The following ZRANB3 variants were observed in gnomAD, a reference collection of about 807,000 sequenced individuals.
The protein encoded by ZRANB3 is DNA annealing helicase and endonuclease ZRANB3.
A neutral mutation model predicts 133.8 loss-of-function variants in ZRANB3; 125 were observed. The observed-to-expected ratio is 0.93, with a 90% CI of 0.81 to 1.08. The LOEUF (loss-of-function observed/expected upper bound fraction) is 1.08, where lower values mean the gene tolerates loss of function less well. Among genes scored for constraint, ZRANB3 ranks in the 50% least tolerant of loss-of-function variants. The probability of loss-of-function intolerance (pLI) is 0.00; values close to 1 mark genes in which losing one functional copy is unlikely to be tolerated. For missense variants in ZRANB3, 1,229 were observed against 1,275.5 expected, an observed-to-expected ratio of 0.96 and a Z score of 0.56; for synonymous variants, 387 against 432.7, an observed-to-expected ratio of 0.89 and a Z score of 1.31.
At chr2:135,289,558 A>T (rs1681578058) in intron 8 of ZRANB3, among the ~76,000 whole-genome samples, 1 of 152,050 alleles carries the variant, frequency 6.6e-6, no homozygotes. Context: ...CCGGCCATGG[A>T]GTTGATTTAT....
chr2:135,405,911 G>A (rs370105228), intron 2 of ZRANB3, among the ~76,000 whole-genome samples: 1 of 152,104 alleles, frequency 6.6e-6, no homozygotes, highest in South Asian at 2.1e-4. Context: ...ATTAAAAGAA[G>A]TAGAGAAGCA....
chr2:135,458,295 A>G (rs1484508508), intron 2 of ZRANB3, among the ~76,000 whole-genome samples: 1 of 152,084 alleles, frequency 6.6e-6, no homozygotes, highest in African/African-American at 2.4e-5. Flanking sequence ...ATAGCTATGT[A>G]GTAGTTTCAA....
intron 4 of ZRANB3, among the ~76,000 whole-genome samples, chr2:135,350,759 A>C (rs1685169261): frequency 6.6e-6 from 1 of 152,180 alleles, no homozygotes; most frequent in Non-Finnish European, 1.5e-5. Context: ...GTGGAGTCCG[A>C]AGCTTTTGTG....
intron 2 of ZRANB3, among the ~76,000 whole-genome samples, chr2:135,473,886 T>C (rs1298355773): frequency 6.6e-6 from 1 of 152,082 alleles, no homozygotes; most frequent in Non-Finnish European, 1.5e-5. Flanking sequence ...ATAGACACAC[T>C]TATAAAAACT....
chr2:135,291,938 G>C (rs912153979), intron 8 of ZRANB3, among the ~76,000 whole-genome samples: 1 of 151,888 alleles, frequency 6.6e-6, no homozygotes. Context: ...TCATTTTTTA[G>C]GGCTGCATAG....
At chr2:135,392,818 C>T (rs989108843) in intron 2 of ZRANB3, among the ~76,000 whole-genome samples, 5 of 151,874 alleles carry the variant, frequency 3.3e-5, no homozygotes, top group African/African-American at 1.2e-4. Context: ...GAATGCATTA[C>T]AGTTAAATGA....
intron 3 of ZRANB3, 68 bp downstream of exon 3, chr2:135,390,733 GA>G: frequency 6.6e-7 from 1 of 1,504,854 alleles, no homozygotes; most frequent in Admixed American, 2.1e-5. Context: ...AGAGTACATG[GA>G]AAATAGCAGA....
chr2:135,361,665 T>A (rs1251996267), intron 3 of ZRANB3, among the ~76,000 whole-genome samples: 1 of 152,186 alleles, frequency 6.6e-6, no homozygotes, highest in African/African-American at 2.4e-5. Context: ...AGGTGGCCTG[T>A]TTGTTATAAA....
chr2:135,370,354 A>C (rs952022395), intron 3 of ZRANB3, among the ~76,000 whole-genome samples: 5 of 151,852 alleles, frequency 3.3e-5, no homozygotes, highest in Admixed American at 3.3e-4. Flanking sequence ...CGAGTCCCCA[A>C]AGTCCATTGT....
At chr2:135,247,718 T>C (rs1695863436) in intron 12 of ZRANB3, among the ~76,000 whole-genome samples, 1 of 152,060 alleles carries the variant, frequency 6.6e-6, no homozygotes, top group Admixed American at 6.6e-5. Context: ...ACCTCTAAAA[T>C]TCCAATCAGC....
chr2:135,417,050 G>A (rs1448683235), intron 2 of ZRANB3, among the ~76,000 whole-genome samples: 1 of 152,150 alleles, frequency 6.6e-6, no homozygotes, highest in Non-Finnish European at 1.5e-5. Flanking sequence ...ACAGGCATGG[G>A]CAAGGACTTC....
chr2:135,442,895 T>A (rs879887092), intron 2 of ZRANB3, among the ~76,000 whole-genome samples: 1 of 151,958 alleles, frequency 6.6e-6, no homozygotes, highest in Non-Finnish European at 1.5e-5. Context: ...GGTGGGTGGA[T>A]CACAAGGTCA....
chr2:135,405,132 A>C (rs1687947288), intron 2 of ZRANB3, among the ~76,000 whole-genome samples: 1 of 151,358 alleles, frequency 6.6e-6, no homozygotes, highest in Admixed American at 6.5e-5. Flanking sequence ...AAGATCTACC[A>C]AGCAAATGGA....
At chr2:135,505,099 C>G (rs949674609) in intron 1 of ZRANB3, among the ~76,000 whole-genome samples, 5 of 152,046 alleles carry the variant, frequency 3.3e-5, no homozygotes, top group African/African-American at 1.2e-4. Flanking sequence ...TTCCTCACCC[C>G]CTGGTTTTCC....
rs997869257 is a variant in ZRANB3 at position 135,250,332 on chromosome 2, T to C, written c.1539+15202A>G. 5.8e-4 allele frequency among the ~76,000 whole-genome samples: 88 copies of C among 152,276 alleles called. 1 individual carries two copies. The highest frequency in any genetic ancestry group is 2.0e-3 in the African/African-American group (85 of 41,562). ...TCAGTTTTATAAGGGAAGCAGAGCATAGAAGTTTGGAAAATTTGCAGCCTG... is the reference window on the plus strand; with the variant it reads ...TCAGTTTTATAAGGGAAGCAGAGCACAGAAGTTTGGAAAATTTGCAGCCTG... On this transcript the variant is annotated intron_variant, in intron 12 of 20. Transcript: ENST00000264159.
rs1327798252 is a variant in ZRANB3 at position 135,245,745 on chromosome 2, G to A, written c.1540-14818C>T. Among the ~76,000 whole-genome samples the A allele has an allele frequency of 4.0e-5, 6 of 150,272 alleles. No homozygotes were observed. The East Asian group carries it at 6.3e-4, about 16-fold the overall frequency. On this transcript the variant is annotated intron_variant, in intron 12 of 20. Coordinates refer to ENST00000264159, the MANE Select transcript of ZRANB3 (RefSeq NM_032143.4). The stretch of plus-strand genomic sequence containing the variant: ...AGTTCGAGAGCAGCCTGACCAACAC[G>A]GAGAAACCCCATCTCTACTAAAAAT...
intron 3 of ZRANB3, among the ~76,000 whole-genome samples, chr2:135,358,333 T>C (rs189064558): frequency 1.3e-5 from 2 of 152,290 alleles, no homozygotes; most frequent in Admixed American, 1.3e-4. Context: ...GCACAGTGCA[T>C]AGTTTGGGAA....
chr2:135,372,410 C>G (rs1686224088), intron 3 of ZRANB3, among the ~76,000 whole-genome samples: 1 of 152,092 alleles, frequency 6.6e-6, no homozygotes, highest in African/African-American at 2.4e-5. Context: ...TCCCCAAACC[C>G]ACTTAAAGGA....
At chr2:135,232,249 C>A (rs927480442) in intron 12 of ZRANB3, among the ~76,000 whole-genome samples, 2 of 152,178 alleles carry the variant, frequency 1.3e-5, no homozygotes, top group African/African-American at 4.8e-5. Context: ...GGGGGAGGGG[C>A]GCCTGCCATT....
Sources: allele counts gnomAD v4.1 joint callset (sites outside exome capture counted in the v4.1 genomes callset), GRCh38; gene constraint gnomAD v4.1.1; transcripts MANE v1.5; gene names NCBI Gene and HGNC (gene_info 2026-07-23, HGNC 2026-07-21).